Variants in MTMR14 observed in about 807,000 individuals in gnomAD.
The protein encoded by MTMR14 is myotubularin related protein 14.
In MTMR14, 48 loss-of-function variants were observed where a neutral mutation model predicts 86.3. That is an observed-to-expected ratio of 0.56 (90% CI 0.44 to 0.71). The LOEUF (loss-of-function observed/expected upper bound fraction) is 0.71. Ranked by LOEUF, MTMR14 falls within the 30% of genes least tolerant of loss-of-function variation. MTMR14 has a pLI of 0.00. For synonymous variants in MTMR14, 366 were observed against 326.1 expected (o/e 1.12, Z -1.32); for missense variants, 780 against 834.6 (o/e 0.93, Z 0.81).
At chr3:9,671,974 T>C (rs185559536) in intron 6 of MTMR14, among the ~76,000 whole-genome samples, 1 of 152,284 alleles carries the variant, frequency 6.6e-6, no homozygotes, top group Admixed American at 6.5e-5. Flanking sequence ...GAGTCCCCAG[T>C]GTTTATTTTC....
At chr3:9,666,912 T>G (rs542750188) in intron 3 of MTMR14, among the ~76,000 whole-genome samples, 1 of 152,152 alleles carries the variant, frequency 6.6e-6, no homozygotes, top group Non-Finnish European at 1.5e-5. Context: ...GGAACAGGTG[T>G]CTATCAAGAG....
At chr3:9,663,945 C>T (rs1342353119) in intron 3 of MTMR14, among the ~76,000 whole-genome samples, 2 of 151,922 alleles carry the variant, frequency 1.3e-5, no homozygotes, top group Admixed American at 6.6e-5. Flanking sequence ...CATGTCACCA[C>T]ACCCAGCTAA....
intron 2 of MTMR14, among the ~76,000 whole-genome samples, chr3:9,661,837 G>A (rs1194841775): frequency 5.3e-5 from 8 of 151,296 alleles, no homozygotes; most frequent in Admixed American, 5.3e-4. Context: ...CTGTGATCCC[G>A]GCACTTTGGG....
intron 7 of MTMR14, among the ~76,000 whole-genome samples, chr3:9,673,363 T>G (rs1201601537): frequency 2.0e-5 from 3 of 152,210 alleles, no homozygotes; most frequent in Non-Finnish European, 2.9e-5. Flanking sequence ...CATAAAAGTG[T>G]GTGCAACCTG....
At chr3:9,672,913 C>T (rs2048652894) in intron 7 of MTMR14, among the ~76,000 whole-genome samples, 155 bp downstream of exon 7, 1 of 152,140 alleles carries the variant, frequency 6.6e-6, no homozygotes, top group Admixed American at 6.5e-5. Flanking sequence ...AGTCACAGGC[C>T]ACACTAAGCA....
At chr3:9,681,056 G>C (rs573465382) in intron 9 of MTMR14, among the ~76,000 whole-genome samples, 1 of 152,300 alleles carries the variant, frequency 6.6e-6, no homozygotes, top group East Asian at 1.9e-4. Context: ...TTGCACACCT[G>C]CAGTGGTTAA....
chr3:9,698,436 G>A (rs886785626), intron 18 of MTMR14, among the ~76,000 whole-genome samples: 9 of 152,244 alleles, frequency 5.9e-5, no homozygotes, highest in Non-Finnish European at 8.8e-5. Context: ...TGCCTCTGGG[G>A]AAACCACCTG....
intron 1 of MTMR14, among the ~76,000 whole-genome samples, chr3:9,653,167 G>A (rs535422668): frequency 3.3e-5 from 5 of 152,120 alleles, no homozygotes; most frequent in Non-Finnish European, 7.4e-5. Flanking sequence ...CCCCGGACGC[G>A]GAGGCTGCAG....
intron 17 of MTMR14, among the ~76,000 whole-genome samples, chr3:9,695,269 C>T (rs1447877827): frequency 6.6e-6 from 1 of 152,210 alleles, no homozygotes; most frequent in African/African-American, 2.4e-5. Context: ...TGAACACCTT[C>T]CTGCTTAGCA....
In MTMR14 at chr3:9,670,703, C is replaced by T. The variant is rs142044240; in HGVS notation, c.555-345C>T. On this transcript the variant is annotated intron_variant, in intron 5 of 18. Transcript: ENST00000296003. ...GGAAGGGGATCAATTCTAATGGAAA[C>T]GGAAAGATTCTATCAGCCACCAGCC... is the stretch of plus-strand genomic sequence containing the variant. 9.9e-5 allele frequency among the ~76,000 whole-genome samples: 15 copies of T among 152,222 alleles called. No individual in the cohort carries two copies. In the East Asian group the frequency reaches 2.5e-3, roughly 25 times the overall value.
rs2076460871 is a variant in MTMR14 at position 9,701,617 on chromosome 3, C to A, written c.1770-173C>A. 1.3e-6 allele frequency: 1 copy of A among 762,606 alleles called. No individual in the cohort carries two copies. Among genetic ancestry groups the A allele is most frequent in the Non-Finnish European group, 2.2e-6 (1 of 450,372 alleles). The allele number at this position is 762,606 out of a possible 1,614,324, so 47.2% of individuals were successfully genotyped here. A position where few individuals can be genotyped will look rare whatever the true frequency, so the allele number is the denominator to read the frequency against. ...CTTAGAGGAATGGTTTAAGGGAAAA[C>A]AGGGCCAGATATTTGGGGCCTGAAC... On this transcript the variant is annotated intron_variant, in intron 18 of 18. Transcript: ENST00000296003. The surrounding 1 kb of genome is among the most constrained non-coding windows in gnomAD (Gnocchi z 4.2).
chr3:9,682,776 T>C (rs2075809404), intron 9 of MTMR14, among the ~76,000 whole-genome samples: 1 of 152,230 alleles, frequency 6.6e-6, no homozygotes, highest in Non-Finnish European at 1.5e-5. Context: ...TTTGGAGACA[T>C]TGGCTACAGC....
chr3:9,683,306 C>T (rs1285904786), intron 10 of MTMR14, 62 bp downstream of exon 10: 1 of 1,462,562 alleles, frequency 6.8e-7, no homozygotes, highest in African/African-American at 1.4e-5. Context: ...CCAGTTCATT[C>T]TGCCTCAACT....
intron 13 of MTMR14, among the ~76,000 whole-genome samples, chr3:9,686,283 T>C (rs1035576245): frequency 3.3e-4 from 50 of 152,206 alleles, no homozygotes; most frequent in Admixed American, 1.8e-3. Flanking sequence ...AGAAGCCTTT[T>C]TGTAGCCTCT....
chr3:9,652,741 C>T (rs2047374122), intron 1 of MTMR14, among the ~76,000 whole-genome samples: 1 of 151,242 alleles, frequency 6.6e-6, no homozygotes, highest in Non-Finnish European at 1.5e-5. Context: ...CATGGTGGCT[C>T]ACACCTGGGA....
intron 9 of MTMR14, among the ~76,000 whole-genome samples, chr3:9,682,684 C>G (rs2075806768): frequency 6.6e-6 from 1 of 152,218 alleles, no homozygotes; most frequent in Non-Finnish European, 1.5e-5. Context: ...CACTAAAAAG[C>G]AAATGAAGCA....
At chr3:9,667,008 G>A (rs1048084066) in intron 3 of MTMR14, among the ~76,000 whole-genome samples, 1 of 152,196 alleles carries the variant, frequency 6.6e-6, no homozygotes, top group South Asian at 2.1e-4. Flanking sequence ...CATCTGACTC[G>A]GGTTTTGCTG....
chr3:9,692,726 C>T (rs530460599), intron 17 of MTMR14, among the ~76,000 whole-genome samples: 36 of 152,342 alleles, frequency 2.4e-4, no homozygotes, highest in African/African-American at 7.7e-4. Context: ...GTGAAGTTTG[C>T]GGAGGGATGC....
intron 14 of MTMR14, 124 bp downstream of exon 14, chr3:9,688,015 C>T (rs1487519718): frequency 1.3e-5 from 11 of 840,292 alleles, no homozygotes; most frequent in South Asian, 1.3e-4. Flanking sequence ...CTGGTGCTCC[C>T]TCCTGCCTTC....
Sources: allele counts gnomAD v4.1 joint callset (sites outside exome capture counted in the v4.1 genomes callset), GRCh38; gene constraint gnomAD v4.1.1; non-coding constraint Gnocchi (gnomAD v3.1); transcripts MANE v1.5; gene names NCBI Gene and HGNC (gene_info 2026-07-23, HGNC 2026-07-21).